RARB: variants seen among roughly 807,000 people sequenced by gnomAD.
RARB encodes HBV-activated protein.
Under a neutral mutation model 51.9 loss-of-function variants are expected in RARB, and 17 were observed. That is an observed-to-expected ratio of 0.33 (90% CI 0.22 to 0.49). The LOEUF (loss-of-function observed/expected upper bound fraction) is 0.49. Among genes scored for constraint, RARB ranks in the 20% least tolerant of loss-of-function variants. RARB has a pLI of 0.99. For synonymous variants in RARB, 215 were observed against 195.4 expected (o/e 1.10, Z -0.84); for missense variants, 369 against 550.8 (o/e 0.67, Z 3.30).
At chr3:25,375,076 A>G (rs1327597671) in intron 5 of RARB, among the ~76,000 whole-genome samples, 1 of 152,226 alleles carries the variant, frequency 6.6e-6, no homozygotes, top group Admixed American at 6.5e-5. Flanking sequence ...TCAACAAACA[A>G]TGAAAAATCA....
At chr3:25,265,294 A>G (rs979689754) in intron 5 of RARB, among the ~76,000 whole-genome samples, 3 of 152,212 alleles carry the variant, frequency 2.0e-5, no homozygotes, top group Admixed American at 6.5e-5. Context: ...ATGAGTTTAT[A>G]AAAGTTACAA....
chr3:25,193,973 A>G (rs1011079752), intron 5 of RARB, among the ~76,000 whole-genome samples: 1 of 151,952 alleles, frequency 6.6e-6, no homozygotes, highest in African/African-American at 2.4e-5. Flanking sequence ...TTAATATTAC[A>G]CTATTCACAA....
At chr3:25,089,638 G>A (rs1403717539) in intron 3 of RARB, among the ~76,000 whole-genome samples, 1 of 152,106 alleles carries the variant, frequency 6.6e-6, no homozygotes, top group Non-Finnish European at 1.5e-5. Flanking sequence ...TGCGCCTATT[G>A]ATAGAGACTT....
chr3:25,429,126 T>C (rs565563349), intron 1 of RARB, among the ~76,000 whole-genome samples: 3 of 152,280 alleles, frequency 2.0e-5, no homozygotes, highest in Admixed American at 6.5e-5. Context: ...ACCAACCTTA[T>C]AGTCTCTTGA....
At chr3:25,182,310 G>A (rs1293059690) in intron 5 of RARB, among the ~76,000 whole-genome samples, 1 of 152,186 alleles carries the variant, frequency 6.6e-6, no homozygotes, top group African/African-American at 2.4e-5. Flanking sequence ...GATGGACAAA[G>A]GAGGGCTTGC....
intron 5 of RARB, among the ~76,000 whole-genome samples, chr3:25,220,079 G>T (rs1437546115): frequency 6.6e-6 from 1 of 152,100 alleles, no homozygotes; most frequent in Non-Finnish European, 1.5e-5. Context: ...AAAATAACAA[G>T]AAATCCACTA....
At chr3:25,558,695 T>C (rs565560831) in intron 3 of RARB, among the ~76,000 whole-genome samples, 53 of 152,282 alleles carry the variant, frequency 3.5e-4, no homozygotes, top group African/African-American at 1.3e-3. Context: ...TCTGGATTCC[T>C]AATTCATGCC....
At chr3:25,079,256 C>T (rs1478008394) in intron 3 of RARB, among the ~76,000 whole-genome samples, 2 of 152,072 alleles carry the variant, frequency 1.3e-5, no homozygotes, top group African/African-American at 4.8e-5. Flanking sequence ...AATTTACTTA[C>T]ACATTTTTAA....
chr3:25,268,539 T>G (rs920899700), intron 5 of RARB, among the ~76,000 whole-genome samples: 1 of 152,220 alleles, frequency 6.6e-6, no homozygotes, highest in South Asian at 2.1e-4. Context: ...ATTGTTATCA[T>G]GGAGAATTCA....
chr3:25,340,105 T>TGTTAGTGATGCAGA, intron 5 of RARB, among the ~76,000 whole-genome samples: 1 of 152,084 alleles, frequency 6.6e-6, no homozygotes, highest in Non-Finnish European at 1.5e-5. Flanking sequence ...TGAACATCAC[T>TGTTAGTGATGCAGA]GATAGTAAAA....
At chr3:25,234,107 T>A (rs1476101293) in intron 5 of RARB, among the ~76,000 whole-genome samples, 1 of 152,186 alleles carries the variant, frequency 6.6e-6, no homozygotes, top group Non-Finnish European at 1.5e-5. Flanking sequence ...TTCTCCTTAA[T>A]TTTCTGAATG....
intron 3 of RARB, among the ~76,000 whole-genome samples, chr3:25,077,268 A>G (rs1698889907): frequency 6.6e-6 from 1 of 152,222 alleles, no homozygotes; most frequent in Non-Finnish European, 1.5e-5. Flanking sequence ...ATAGAGTTTA[A>G]GAAATTTTGA....
chr3:25,227,047 A>C (rs899682801), intron 5 of RARB, among the ~76,000 whole-genome samples: 2 of 152,228 alleles, frequency 1.3e-5, no homozygotes, highest in African/African-American at 4.8e-5. Context: ...GTAGTCCACT[A>C]TTCCAGAACT....
At chr3:25,347,657 C>T (rs1398170065) in intron 5 of RARB, among the ~76,000 whole-genome samples, 1 of 152,180 alleles carries the variant, frequency 6.6e-6, no homozygotes, top group African/African-American at 2.4e-5. Context: ...CAGGTTTAGA[C>T]ATTTTGTAAA....
chr3:24,976,901 AT>A (rs1210625294), intron 2 of RARB, among the ~76,000 whole-genome samples: 1 of 152,174 alleles, frequency 6.6e-6, no homozygotes, highest in South Asian at 2.1e-4. Context: ...GAGGTCTAAC[AT>A]TTAAGTCTTT....
intron 2 of RARB, among the ~76,000 whole-genome samples, chr3:24,908,526 A>G (rs74430411): frequency 0.024 from 3,608 of 152,252 alleles, 83 homozygotes; most frequent in Middle Eastern, 0.076. Flanking sequence ...ATAATGAACA[A>G]AATTTAGCTG....
chr3:24,831,122 C>CA (rs1463994566), intron 1 of RARB, among the ~76,000 whole-genome samples: 7 of 152,132 alleles, frequency 4.6e-5, no homozygotes, highest in Non-Finnish European at 1.0e-4. Flanking sequence ...GGCATATATA[C>CA]ACAAATAAAA....
intron 5 of RARB, among the ~76,000 whole-genome samples, chr3:25,208,632 C>T (rs867052361): frequency 6.6e-6 from 1 of 151,996 alleles, no homozygotes; most frequent in Non-Finnish European, 1.5e-5. Context: ...AAAGAGAAAA[C>T]ATCTCACTGC....
chr3:25,154,002 A>G (rs1195610632), intron 4 of RARB, among the ~76,000 whole-genome samples: 1 of 152,232 alleles, frequency 6.6e-6, no homozygotes, highest in Non-Finnish European at 1.5e-5. Context: ...GAGAATTCAC[A>G]CTACATTAAA....
Sources: allele counts gnomAD v4.1 joint callset (sites outside exome capture counted in the v4.1 genomes callset), GRCh38; gene constraint gnomAD v4.1.1; transcripts MANE v1.5; gene names NCBI Gene and HGNC (gene_info 2026-07-23, HGNC 2026-07-21).